CACNA2D3: variants seen among roughly 807,000 people sequenced by gnomAD.
The protein encoded by CACNA2D3 is calcium voltage-gated channel auxiliary subunit alpha2delta 3.
In CACNA2D3, 60 loss-of-function variants were observed where a neutral mutation model predicts 160.6. The observed-to-expected ratio is 0.37, with a 90% CI of 0.30 to 0.46. The LOEUF is 0.46. Ranked by LOEUF, CACNA2D3 falls within the 20% of genes least tolerant of loss-of-function variation. CACNA2D3 has a pLI of 1.00. For synonymous variants in CACNA2D3, 558 were observed against 492.9 expected, an observed-to-expected ratio of 1.13 and a Z score of -1.75; for missense variants, 1,205 against 1,365.0, an observed-to-expected ratio of 0.88 and a Z score of 1.85.
intron 2 of CACNA2D3, among the ~76,000 whole-genome samples, chr3:54,242,059 A>G (rs1701984466): frequency 6.6e-6 from 1 of 152,202 alleles, no homozygotes; most frequent in Non-Finnish European, 1.5e-5. Flanking sequence ...TCCTATACAT[A>G]CATACATACT....
intron 4 of CACNA2D3, among the ~76,000 whole-genome samples, chr3:54,452,538 T>A (rs1396249795): frequency 1.3e-5 from 2 of 152,188 alleles, no homozygotes; most frequent in Non-Finnish European, 2.9e-5. Context: ...CTCCCAGCAG[T>A]CTCTTTAAAG....
At chr3:54,389,902 A>G (rs1699251548) in intron 4 of CACNA2D3, among the ~76,000 whole-genome samples, 1 of 152,242 alleles carries the variant, frequency 6.6e-6, no homozygotes, top group Non-Finnish European at 1.5e-5. Flanking sequence ...TTAGAAAACA[A>G]TGCTGTATTA....
intron 5 of CACNA2D3, among the ~76,000 whole-genome samples, chr3:54,528,577 C>T (rs975108391): frequency 6.6e-6 from 1 of 152,104 alleles, no homozygotes; most frequent in Non-Finnish European, 1.5e-5. Flanking sequence ...CGAAACCTTG[C>T]TTATTTCTTT....
At chr3:54,254,455 A>G (rs560292236) in intron 2 of CACNA2D3, among the ~76,000 whole-genome samples, 198 of 152,328 alleles carry the variant, frequency 1.3e-3, no homozygotes, top group Admixed American at 3.2e-3. Flanking sequence ...GCAGTGAGGT[A>G]TCCACCAAAT....
intron 27 of CACNA2D3, among the ~76,000 whole-genome samples, chr3:54,964,201 C>T (rs139903675): frequency 1.6e-3 from 239 of 152,178 alleles, no homozygotes; most frequent in Middle Eastern, 3.4e-3. Context: ...TTTTCTGGAT[C>T]GGTTGTGTTC....
At chr3:54,235,586 C>T (rs1440031301) in intron 2 of CACNA2D3, among the ~76,000 whole-genome samples, 1 of 152,196 alleles carries the variant, frequency 6.6e-6, no homozygotes, top group Non-Finnish European at 1.5e-5. Flanking sequence ...CAGTCCCCTC[C>T]CCTCAGGCCC....
At chr3:54,556,375 C>T (rs1292031593) in intron 5 of CACNA2D3, among the ~76,000 whole-genome samples, 1 of 152,040 alleles carries the variant, frequency 6.6e-6, no homozygotes, top group Non-Finnish European at 1.5e-5. Flanking sequence ...AATAATGAGG[C>T]TACAAGCCAA....
chr3:54,739,486 A>G (rs983138852), intron 11 of CACNA2D3, among the ~76,000 whole-genome samples: 3 of 98,730 alleles, frequency 3.0e-5, no homozygotes, highest in Non-Finnish European at 6.8e-5. Flanking sequence ...AAAAAATAAC[A>G]TGGAGAGTGC....
chr3:54,476,531 A>G (rs1437513467), intron 4 of CACNA2D3, among the ~76,000 whole-genome samples: 1 of 152,112 alleles, frequency 6.6e-6, no homozygotes, highest in African/African-American at 2.4e-5. Flanking sequence ...CCAACAGTAT[A>G]CAAGGGTCCC....
chr3:54,409,664 G>A (rs540884235), intron 4 of CACNA2D3, among the ~76,000 whole-genome samples: 1 of 152,336 alleles, frequency 6.6e-6, no homozygotes. Context: ...GAAATTACAA[G>A]TGCTACTTCA....
intron 27 of CACNA2D3, among the ~76,000 whole-genome samples, chr3:54,958,958 A>C (rs1399310255): frequency 6.6e-6 from 1 of 151,848 alleles, no homozygotes; most frequent in Non-Finnish European, 1.5e-5. Flanking sequence ...ACAAAAATTG[A>C]GGCATGGTGG....
intron 11 of CACNA2D3, among the ~76,000 whole-genome samples, chr3:54,654,187 T>TG (rs1160570016): frequency 3.3e-5 from 5 of 151,974 alleles, no homozygotes; most frequent in East Asian, 1.9e-4. Flanking sequence ...GGGTTGGCAG[T>TG]GGGGGGTCTT....
chr3:54,316,074 AGG>A (rs1703852959), intron 2 of CACNA2D3, among the ~76,000 whole-genome samples: 1 of 87,840 alleles, frequency 1.1e-5, no homozygotes, highest in African/African-American at 3.3e-5. Flanking sequence ...TCCTCCTAGC[AGG>A]GTGTGTGTGT....
intron 11 of CACNA2D3, among the ~76,000 whole-genome samples, chr3:54,712,604 C>T (rs765844870): frequency 2.0e-5 from 3 of 152,216 alleles, no homozygotes; most frequent in South Asian, 2.1e-4. Flanking sequence ...TCTCCAGCCA[C>T]GTGGAACTGA....
chr3:54,634,655 G>T (rs1468516276), intron 10 of CACNA2D3: 1 of 152,028 alleles, frequency 6.6e-6, no homozygotes, highest in African/African-American at 2.4e-5. Flanking sequence ...CAGTCAAAGG[G>T]GGTTTGTTCT....
chr3:54,574,222 C>T lies in CACNA2D3; in HGVS notation c.888+4118C>T, dbSNP rs187929438. ...AATACAATATTTTCAGTGCCGGAAG[C>T]CCTCGTGTACTGTAGGTTTTTGTTT... On this transcript the variant is annotated intron_variant, in intron 8 of 37. Transcript: ENST00000474759. Among the ~76,000 whole-genome samples, 79 of 152,216 alleles carry T rather than the reference C, an allele frequency of 5.2e-4. No homozygotes were observed. The Middle Eastern group carries it at 0.02, about 39-fold the overall frequency.
At chr3:54,655,490 G>A (rs1388142806) in intron 11 of CACNA2D3, among the ~76,000 whole-genome samples, 2 of 152,208 alleles carry the variant, frequency 1.3e-5, no homozygotes, top group Non-Finnish European at 2.9e-5. Flanking sequence ...GATGGATTTG[G>A]ATGTGGGAAA....
chr3:54,849,182 A>G (rs577961380), intron 17 of CACNA2D3, among the ~76,000 whole-genome samples: 10 of 152,208 alleles, frequency 6.6e-5, no homozygotes, highest in Admixed American at 1.3e-4. Flanking sequence ...GACAACTTGT[A>G]CTAGAGGTTC....
chr3:54,164,666 G>C (rs1269926329), intron 2 of CACNA2D3, among the ~76,000 whole-genome samples: 1 of 152,064 alleles, frequency 6.6e-6, no homozygotes. Flanking sequence ...AGAGACCTTC[G>C]GAGGGGGCAC....
Sources: gnomAD v4.1 joint callset for allele counts (sites outside exome capture counted in the v4.1 genomes callset) on GRCh38, gnomAD v4.1.1 for gene constraint, MANE v1.5 for transcripts, NCBI Gene and HGNC (gene_info 2026-07-23, HGNC 2026-07-21) for gene names.